PCDHB13: variants seen among roughly 807,000 people sequenced by gnomAD.
PCDHB13 encodes protocadherin beta 13, also known as protocadherin beta-13.
For missense variants in PCDHB13, 1,065 were observed against 1,016.7 expected (o/e 1.05, Z -0.65); for synonymous variants, 515 against 450.7 (o/e 1.14, Z -1.81).
rs782216776 is a variant in PCDHB13 at position 141,215,621 on chromosome 5, C to G, written c.1498C>G (p.Leu500Val). ...LLPPQDPHLP[L>V]TSLVSINADN... ...GCCGCCCCAGGACCCGCACCTGCCC[C>G]TCACATCCCTGGTCTCCATCAACGC... The change falls in exon 1 of 1, where the codon CTC becomes GTC. Residue 500 changes from leucine to valine, a missense_variant. Transcript: ENST00000341948. 2 of 1,613,504 alleles carry G rather than the reference C, an allele frequency of 1.2e-6. No homozygotes were observed. The highest frequency in any genetic ancestry group is 1.7e-6 in the Non-Finnish European group (2 of 1,180,000).
Position 141,215,534 on chromosome 5 carries a change from C to T in PCDHB13, c.1411C>T (p.Arg471Cys). The T allele has an allele frequency of 6.2e-7, 1 of 1,613,800 alleles. No individual in the cohort carries two copies. Among genetic ancestry groups the T allele is most frequent in the Non-Finnish European group, 8.5e-7 (1 of 1,179,944 alleles). The change falls in exon 1 of 1, where the codon CGC becomes TGC. Residue 471 changes from arginine to cysteine, a missense_variant. Coordinates refer to ENST00000341948, the MANE Select transcript of PCDHB13 (RefSeq NM_018933.4). The part of the protein sequence containing the change: ...RENNSPALHI[R>C]SVSATDRDSG... ...GAACAACAGCCCCGCCCTGCACATCCGCAGCGTCAGCGCTACAGACAGAGA... is the reference window on the plus strand; with the variant it reads ...GAACAACAGCCCCGCCCTGCACATCTGCAGCGTCAGCGCTACAGACAGAGA...
chr5:141,214,579 G>A lies in PCDHB13; in HGVS notation c.456G>A (p.Thr152=), dbSNP rs782018396. 3 of 1,614,204 alleles carry A rather than the reference G, an allele frequency of 1.9e-6. No homozygotes were observed. The highest frequency in any genetic ancestry group is 2.5e-6 in the Non-Finnish European group (3 of 1,180,042). ...CAGAGAGCAGTCCTCCTGGGACTAC[G>A]TTTCCTCTGAAGAATGCCGAAGACT... ...KVSESSPPGT[T]FPLKNAEDLD... is the part of the protein sequence containing the mutation. Residue 152 remains threonine (T), a synonymous_variant, in exon 1 of 1, where the codon ACG becomes ACA. Transcript: ENST00000341948.
rs1754630165 is a variant in PCDHB13, at chr5:141,216,914, T to A, written c.*394T>A. 3.3e-6 allele frequency: 1 copy of A among 299,952 alleles called. No homozygotes were observed. The allele number at this position is 299,952 out of a possible 1,614,324, so 18.6% of individuals were successfully genotyped here. The stretch of plus-strand genomic sequence containing the variant: ...CTTTTTTTAGTCTTAAAATAATGAC[T>A]CCTATTCAGACATATCATTTTTCTT... On this transcript the variant is annotated 3_prime_UTR_variant, in exon 1 of 1. Coordinates refer to ENST00000341948, the MANE Select transcript of PCDHB13 (RefSeq NM_018933.4).
rs556142886 is a variant in PCDHB13 at position 141,216,798 on chromosome 5, C to G, written c.*278C>G. On this transcript the variant is annotated 3_prime_UTR_variant, in exon 1 of 1. Coordinates refer to ENST00000341948, the MANE Select transcript of PCDHB13 (RefSeq NM_018933.4). ...ATTTTTTTCATGCCCCTATCTTTAG[C>G]TGAACTTCACCCACTATTATGCTTA... 32 of 481,558 alleles carry G rather than the reference C, an allele frequency of 6.6e-5. No homozygotes were observed. In the South Asian group the frequency reaches 6.7e-4, roughly 10 times the overall value. 29.8% of individuals were successfully genotyped at this position (481,558 alleles called of 1,614,324 possible). A position where few individuals can be genotyped will look rare whatever the true frequency, so the allele number is the denominator to read the frequency against.
chr5:141,214,090 C>G lies in PCDHB13; in HGVS notation c.-34C>G. The G allele has an allele frequency of 3.1e-6, 5 of 1,614,084 alleles. No homozygotes were observed. The highest frequency in any genetic ancestry group is 4.2e-6 in the Non-Finnish European group (5 of 1,179,980). ...CTGGGGACTTTACAGTCCCACAGAACCGTCCTCCCAGGAAGCTGAATCCAG... is the reference window on the plus strand; with the variant it reads ...CTGGGGACTTTACAGTCCCACAGAAGCGTCCTCCCAGGAAGCTGAATCCAG... On this transcript the variant is annotated 5_prime_UTR_variant, in exon 1 of 1. Coordinates refer to ENST00000341948, the MANE Select transcript of PCDHB13 (RefSeq NM_018933.4).
rs781982170 is a variant in PCDHB13 at position 141,214,507 on chromosome 5, C to T, written c.384C>T (p.Asn128=). 3.7e-6 allele frequency: 6 copies of T among 1,607,128 alleles called. No individual in the cohort carries two copies. Among genetic ancestry groups the T allele is most frequent in the Non-Finnish European group, 5.1e-6 (6 of 1,174,476 alleles). The change falls in exon 1 of 1, where the codon AAC becomes AAT. Residue 128 remains asparagine, a synonymous_variant. Transcript: ENST00000341948. Reference sequence around the variant, plus strand: ...CTGAGCTGCAAGTAATAGACATAAACGACCACTCTCCAGTATTTCTGGACA... The same window carrying T: ...CTGAGCTGCAAGTAATAGACATAAATGACCACTCTCCAGTATTTCTGGACA... ...FQAELQVIDI[N]DHSPVFLDKQ... is the part of the protein sequence containing the mutation.
chr5:141,218,255 TG>T lies in PCDHB13; in HGVS notation c.*1736del. The T allele has an allele frequency of 6.0e-6, 1 of 167,024 alleles. No individual in the cohort carries two copies. The allele number at this position is 167,024 out of a possible 1,614,324, so 10.3% of individuals were successfully genotyped here. A position where few individuals can be genotyped will look rare whatever the true frequency, so the allele number is the denominator to read the frequency against. On this transcript the variant is annotated 3_prime_UTR_variant, in exon 1 of 1. Transcript: ENST00000341948. ...TGAGCACCTGGCCTCAACTACTTCT[TG>T]AAGATATTTTAAAACTTTATCTTAA...
chr5:141,214,528 G>A lies in PCDHB13; in HGVS notation c.405G>A (p.Leu135=), dbSNP rs531385267. Residue 135 remains leucine (L), a synonymous_variant, in exon 1 of 1, where the codon CTG becomes CTA. Transcript: ENST00000341948. ...TAAACGACCACTCTCCAGTATTTCTGGACAAACAAATGTTGGTGAAAGTAT... is the reference window on the plus strand; with the variant it reads ...TAAACGACCACTCTCCAGTATTTCTAGACAAACAAATGTTGGTGAAAGTAT... ...IDINDHSPVF[L]DKQMLVKVSE... 12 of 1,613,622 alleles carry A rather than the reference G, an allele frequency of 7.4e-6. No individual in the cohort carries two copies. The Admixed American group carries it at 1.0e-4, about 13-fold the overall frequency.
At position 141,218,522 on chromosome 5, in the gene PCDHB13, T is replaced by C. The variant is rs1054886455; in HGVS notation, c.*2002T>C. The C allele has an allele frequency of 3.9e-5, 6 of 154,086 alleles. No homozygotes were observed. The East Asian group carries it at 9.7e-4, about 25-fold the overall frequency. The allele number at this position is 154,086 out of a possible 1,614,324, so 9.5% of individuals were successfully genotyped here. ...GGTGCAATCATAGCTCACTGAAGCC[T>C]TGACCTCCTGGGCTCAAGCAATCCT... On this transcript the variant is annotated 3_prime_UTR_variant, in exon 1 of 1. Transcript: ENST00000341948.
chr5:141,218,624 TTTTTG>T lies in PCDHB13; in HGVS notation c.*2119_*2123del. 6.5e-6 allele frequency: 1 copy of T among 152,962 alleles called. No individual in the cohort carries two copies. The highest frequency in any genetic ancestry group is 1.5e-5 in the Non-Finnish European group (1 of 68,640). 9.5% of individuals were successfully genotyped at this position (152,962 alleles called of 1,614,324 possible). A position where few individuals can be genotyped will look rare whatever the true frequency, so the allele number is the denominator to read the frequency against. On this transcript the variant is annotated 3_prime_UTR_variant, in exon 1 of 1. Transcript: ENST00000341948. ...CAGCTATTTTTGTTTGTTTGTTTGT[TTTTTG>T]TTTTGTTTTGTTTTTGAGGCAGAGT...
rs917004585 is a variant in PCDHB13, at chr5:141,218,653, G to T, written c.*2133G>T. The T allele has an allele frequency of 1.3e-5, 2 of 153,156 alleles. No individual in the cohort carries two copies. Among genetic ancestry groups the T allele is most frequent in the Admixed American group, 6.6e-5 (1 of 15,242 alleles). 9.5% of individuals were successfully genotyped at this position (153,156 alleles called of 1,614,324 possible). ...TGTTTTGTTTTGTTTTTGAGGCAGA[G>T]TCTCACTCTGTCACCCAGGCTGGAG... On this transcript the variant is annotated 3_prime_UTR_variant, in exon 1 of 1. Transcript: ENST00000341948.
Position 141,218,722 on chromosome 5 carries a change from G to A in PCDHB13, c.*2202G>A, listed in dbSNP as rs1554288432. ...GCTCACTGCAAGCTCCGCCTCCTGG[G>A]TTCCCGCCATTCTCCTGCCTCAGTC... On this transcript the variant is annotated 3_prime_UTR_variant, in exon 1 of 1. Transcript: ENST00000341948. 6.3e-6 allele frequency: 1 copy of A among 158,952 alleles called. No homozygotes were observed. Among genetic ancestry groups the A allele is most frequent in the Non-Finnish European group, 1.5e-5 (1 of 68,230 alleles). The allele number at this position is 158,952 out of a possible 1,614,324, so 9.8% of individuals were successfully genotyped here.
Position 141,215,050 on chromosome 5 carries a change from T to C in PCDHB13, c.927T>C (p.Asp309=). Residue 309 remains aspartate, a synonymous_variant, in exon 1 of 1, where the codon GAT becomes GAC. Coordinates refer to ENST00000341948, the MANE Select transcript of PCDHB13 (RefSeq NM_018933.4). ...AAATTGAACTAAAAAAACAACTCGA[T>C]TTCGAAAAACTTCAGTCCTATGAAG... The part of the protein sequence containing the change: ...TGEIELKKQL[D]FEKLQSYEVN... The C allele has an allele frequency of 6.2e-7, 1 of 1,614,094 alleles. No homozygotes were observed. Among genetic ancestry groups the C allele is most frequent in the Non-Finnish European group, 8.5e-7 (1 of 1,180,026 alleles).
At position 141,214,466 on chromosome 5, in the gene PCDHB13, T is replaced by G; in HGVS notation, c.343T>G (p.Phe115Val). 1 of 1,569,374 alleles carries G rather than the reference T, an allele frequency of 6.4e-7. No homozygotes were observed. Among genetic ancestry groups the G allele is most frequent in the Non-Finnish European group, 8.8e-7 (1 of 1,142,256 alleles). ...TTTCCAAGTGTTGCTAGAGAGTCCC[T>G]TCGAGTTTTTTCAAGCTGAGCTGCA... ...LRFQVLLESP[F>V]EFFQAELQVI... The change falls in exon 1 of 1, where the codon TTC (phenylalanine) becomes GTC (valine). Residue 115 changes from phenylalanine to valine, a missense_variant. Transcript: ENST00000341948.
At position 141,214,877 on chromosome 5, in the gene PCDHB13, A is replaced by G; in HGVS notation, c.754A>G (p.Ile252Val). The G allele has an allele frequency of 6.2e-7, 1 of 1,614,138 alleles. No homozygotes were observed. The highest frequency in any genetic ancestry group is 8.5e-7 in the Non-Finnish European group (1 of 1,180,014). The change falls in exon 1 of 1, where the codon ATC becomes GTC. Residue 252 changes from isoleucine to valine, a missense_variant. Ile to Val is a conservative substitution (Grantham distance 29). Coordinates refer to ENST00000341948, the MANE Select transcript of PCDHB13 (RefSeq NM_018933.4). ...EFEQPFYRVQ[I>V]SEDSPVGFLV... ...TGAGCAGCCTTTCTATAGAGTGCAG[A>G]TCTCTGAGGACAGTCCGGTAGGCTT...
Position 141,216,406 on chromosome 5 carries a change from C to A in PCDHB13, c.2283C>A (p.Thr761=), listed in dbSNP as rs782166496. 1.4e-5 allele frequency: 23 copies of A among 1,614,016 alleles called. No homozygotes were observed. Among genetic ancestry groups the A allele is most frequent in the South Asian group, 6.6e-5 (6 of 91,074 alleles). ...YEVCLAGGSG[T]NEFKFLKPII... ...TGTGTCTGGCAGGAGGCTCAGGGAC[C>A]AATGAGTTCAAGTTCCTGAAGCCGA... Residue 761 remains threonine (T), a synonymous_variant, in exon 1 of 1, where the codon ACC becomes ACA. Coordinates refer to ENST00000341948, the MANE Select transcript of PCDHB13 (RefSeq NM_018933.4).
At position 141,215,526 on chromosome 5, in the gene PCDHB13, T is replaced by C; in HGVS notation, c.1403T>C (p.Leu468Pro). 1 of 1,613,942 alleles carries C rather than the reference T, an allele frequency of 6.2e-7. No individual in the cohort carries two copies. Among genetic ancestry groups the C allele is most frequent in the East Asian group, 2.2e-5 (1 of 44,854 alleles). ...LFVRENNSPA[L>P]HIRSVSATDR... The stretch of plus-strand genomic sequence containing the variant: ...GTCCGCGAGAACAACAGCCCCGCCC[T>C]GCACATCCGCAGCGTCAGCGCTACA... The change falls in exon 1 of 1, where the codon CTG (leucine) becomes CCG (proline). Residue 468 changes from leucine to proline, a missense_variant. Coordinates refer to ENST00000341948, the MANE Select transcript of PCDHB13 (RefSeq NM_018933.4).
chr5:141,217,206 G>C lies in PCDHB13; in HGVS notation c.*686G>C, dbSNP rs1754638226. 6.0e-6 allele frequency: 1 copy of C among 167,116 alleles called. No homozygotes were observed. The highest frequency in any genetic ancestry group is 2.4e-5 in the African/African-American group (1 of 41,414). The allele number at this position is 167,116 out of a possible 1,614,324, so 10.4% of individuals were successfully genotyped here. ...CACAAAGCTCTAGTGCAATCTAGTTGAATGCAGATGCCTGTGCCCAAATAA... is the reference window on the plus strand; with the variant it reads ...CACAAAGCTCTAGTGCAATCTAGTTCAATGCAGATGCCTGTGCCCAAATAA... On this transcript the variant is annotated 3_prime_UTR_variant, in exon 1 of 1. Coordinates refer to ENST00000341948, the MANE Select transcript of PCDHB13 (RefSeq NM_018933.4).
In PCDHB13 at chr5:141,217,254, A is replaced by T. The variant is rs952697751; in HGVS notation, c.*734A>T. Reference sequence around the variant, plus strand: ...TAATAATTCATATAGCATAAATTGGAGTTGTGTGTTAATGTGTAAAAATTT... The same window carrying T: ...TAATAATTCATATAGCATAAATTGGTGTTGTGTGTTAATGTGTAAAAATTT... On this transcript the variant is annotated 3_prime_UTR_variant, in exon 1 of 1. Coordinates refer to ENST00000341948, the MANE Select transcript of PCDHB13 (RefSeq NM_018933.4). The T allele has an allele frequency of 2.4e-5, 4 of 167,114 alleles. No homozygotes were observed. The highest frequency in any genetic ancestry group is 9.7e-5 in the African/African-American group (4 of 41,424). 10.4% of individuals were successfully genotyped at this position (167,114 alleles called of 1,614,324 possible).
Sources: allele counts gnomAD v4.1 joint callset, GRCh38; gene constraint gnomAD v4.1.1; transcripts MANE v1.5; gene names NCBI Gene and HGNC (gene_info 2026-07-23, HGNC 2026-07-21).